Variants in TDRD7 observed in about 807,000 individuals in gnomAD.
TDRD7 encodes the protein tudor domain containing 7.
In TDRD7, 47 loss-of-function variants were observed where a neutral mutation model predicts 109.8. That is an observed-to-expected ratio of 0.43 (90% confidence interval 0.34 to 0.55). The LOEUF (loss-of-function observed/expected upper bound fraction) is 0.55, where lower values mean the gene tolerates loss of function less well. Ranked by LOEUF, TDRD7 falls within the 20% of genes least tolerant of loss-of-function variation. The pLI is 0.03. For synonymous variants in TDRD7, 424 were observed against 457.3 expected (o/e 0.93, Z 0.93); for missense variants, 1,164 against 1,319.2 (o/e 0.88, Z 1.82).
Position 97,437,724 on chromosome 9 carries a change from T to C in TDRD7, c.564-1521T>C, listed in dbSNP as rs536279911. On this transcript the variant is annotated intron_variant, in intron 4 of 16. Transcript: ENST00000355295. ...ACTGTCTGACATAATGTCTGGCACA[T>C]AGTATGTCTTAAATATTTATGAGCT... is the stretch of plus-strand genomic sequence containing the variant. 7.2e-5 allele frequency among the ~76,000 whole-genome samples: 11 copies of C among 152,332 alleles called. No homozygotes were observed. In the South Asian group the frequency reaches 2.3e-3, roughly 32 times the overall value.
intron 16 of TDRD7, among the ~76,000 whole-genome samples, chr9:97,490,259 A>G (rs1278654396): frequency 6.6e-6 from 1 of 152,126 alleles, no homozygotes; most frequent in African/African-American, 2.4e-5. Flanking sequence ...GCTGGCAACA[A>G]ATTCTCCCAA....
chr9:97,413,436 G>T (rs146906867), intron 1 of TDRD7, among the ~76,000 whole-genome samples: 505 of 152,300 alleles, frequency 3.3e-3, no homozygotes, highest in African/African-American at 0.011. Context: ...GCTTTTCCAA[G>T]ATAACCACTG....
At chr9:97,421,211 G>A (rs1391442494) in intron 1 of TDRD7, among the ~76,000 whole-genome samples, 2 of 151,940 alleles carry the variant, frequency 1.3e-5, no homozygotes, top group Non-Finnish European at 2.9e-5. Context: ...ATGTATGAGA[G>A]TTCTAAATGC....
At chr9:97,463,940 A>G (rs1290137687) in intron 7 of TDRD7, among the ~76,000 whole-genome samples, 2 of 152,308 alleles carry the variant, frequency 1.3e-5, no homozygotes, top group East Asian at 3.9e-4. Context: ...ATTTGTTCAA[A>G]TTCTTTAATA....
chr9:97,472,801 GTTGA>G (rs1370493341), intron 10 of TDRD7, among the ~76,000 whole-genome samples: 4 of 151,994 alleles, frequency 2.6e-5, no homozygotes, highest in African/African-American at 9.7e-5. Flanking sequence ...CCATGAAGAT[GTTGA>G]TTATTAGCTT....
At chr9:97,425,138 T>C (rs1827966061) in intron 1 of TDRD7, among the ~76,000 whole-genome samples, 1 of 152,136 alleles carries the variant, frequency 6.6e-6, no homozygotes, top group Non-Finnish European at 1.5e-5. Flanking sequence ...TTTTGGATGA[T>C]GGGAATGTCT....
At position 97,425,389 on chromosome 9, in the gene TDRD7, A is replaced by G. The variant is rs546694643; in HGVS notation, c.-6-3071A>G. On this transcript the variant is annotated intron_variant, in intron 1 of 16. Coordinates refer to ENST00000355295, the MANE Select transcript of TDRD7 (RefSeq NM_014290.3). ...TATGCTCAGATATGTTTAGACATAC[A>G]GTACTTACCATTGTGTTAAAATTGC... Among the ~76,000 whole-genome samples, 31 of 152,306 alleles carry G rather than the reference A, an allele frequency of 2.0e-4. No homozygotes were observed. The East Asian group carries it at 5.4e-3, about 27-fold the overall frequency.
intron 12 of TDRD7, 85 bp from the exon 13 acceptor site, chr9:97,478,354 C>G (rs1038701931): frequency 4.6e-6 from 7 of 1,519,458 alleles, no homozygotes; most frequent in Non-Finnish European, 6.4e-6. Flanking sequence ...AATATGCATT[C>G]AGGATTGTAC....
intron 6 of TDRD7, among the ~76,000 whole-genome samples, chr9:97,455,007 C>G (rs1828579393): frequency 6.6e-6 from 1 of 152,062 alleles, no homozygotes; most frequent in Non-Finnish European, 1.5e-5. Flanking sequence ...ACCACTGACC[C>G]CACAGAAATA....
intron 3 of TDRD7, among the ~76,000 whole-genome samples, chr9:97,431,713 A>C (rs1828106808): frequency 6.6e-6 from 1 of 152,122 alleles, no homozygotes. Context: ...ATTTATGGGG[A>C]AGAGACGGGA....
rs201263449 is a variant in TDRD7, at chr9:97,464,804, G to A, written c.1443-38G>A. The A allele has an allele frequency of 3.5e-5, 57 of 1,610,896 alleles. No homozygotes were observed. The East Asian group carries it at 9.4e-4, about 26-fold the overall frequency. Reference sequence around the variant, plus strand: ...ATTCCTATTGCTTTTCTTCTTCTAGGTTACTTCATTTGCATTCTCTTCTTT... The same window carrying A: ...ATTCCTATTGCTTTTCTTCTTCTAGATTACTTCATTTGCATTCTCTTCTTT... On this transcript the variant is annotated intron_variant, in intron 7 of 16. Coordinates refer to ENST00000355295, the MANE Select transcript of TDRD7 (RefSeq NM_014290.3).
At chr9:97,414,823 G>C (rs529901761) in intron 1 of TDRD7, among the ~76,000 whole-genome samples, 1 of 152,258 alleles carries the variant, frequency 6.6e-6, no homozygotes, top group East Asian at 1.9e-4. Flanking sequence ...TGATTAGAAA[G>C]AAAAGAGCAT....
Position 97,478,280 on chromosome 9 carries a change from T to A in TDRD7, c.2167-159T>A, listed in dbSNP as rs528446810. On this transcript the variant is annotated intron_variant, in intron 12 of 16. Transcript: ENST00000355295. Reference sequence around the variant, plus strand: ...TGTCTCAAAATAATAATAATAATAATATTTAGTAAATAAATACATTTTAAA... The same window carrying A: ...TGTCTCAAAATAATAATAATAATAAAATTTAGTAAATAAATACATTTTAAA... Among the ~76,000 whole-genome samples, 10 of 152,032 alleles carry A rather than the reference T, an allele frequency of 6.6e-5. No individual in the cohort carries two copies. The East Asian group carries it at 1.9e-3, about 29-fold the overall frequency.
At chr9:97,440,852 A>G (rs1406440444) in intron 5 of TDRD7, among the ~76,000 whole-genome samples, 1 of 152,234 alleles carries the variant, frequency 6.6e-6, no homozygotes, top group East Asian at 1.9e-4. Context: ...AATAAATTTC[A>G]TAGTTCTTAA....
At chr9:97,435,054 A>G (rs1397116919) in intron 4 of TDRD7, among the ~76,000 whole-genome samples, 1 of 152,160 alleles carries the variant, frequency 6.6e-6, no homozygotes, top group Non-Finnish European at 1.5e-5. Flanking sequence ...AAGAGAGAGC[A>G]AGAGGAACCC....
chr9:97,434,454 T>C (rs564890258), intron 4 of TDRD7, among the ~76,000 whole-genome samples: 1 of 152,278 alleles, frequency 6.6e-6, no homozygotes, highest in Middle Eastern at 3.4e-3. Flanking sequence ...TAATGATATA[T>C]TGTGTACTTG....
At chr9:97,435,440 G>C (rs1277398530) in intron 4 of TDRD7, among the ~76,000 whole-genome samples, 1 of 150,950 alleles carries the variant, frequency 6.6e-6, no homozygotes, top group Non-Finnish European at 1.5e-5. Context: ...GAACAGCCTG[G>C]GCAACATGGT....
chr9:97,456,840 C>T (rs1038920532), intron 6 of TDRD7, among the ~76,000 whole-genome samples: 1 of 152,152 alleles, frequency 6.6e-6, no homozygotes, highest in Non-Finnish European at 1.5e-5. Flanking sequence ...AACTAAAGTG[C>T]TTCTGCACAG....
At chr9:97,475,357 G>A (rs1828999918) in intron 11 of TDRD7, 26 bp from the exon 12 acceptor site, 1 of 1,555,784 alleles carries the variant, frequency 6.4e-7, no homozygotes, top group South Asian at 1.1e-5. Context: ...AGAGTAATAA[G>A]AGTATCATGC....
Sources: gnomAD v4.1 joint callset for allele counts (sites outside exome capture counted in the v4.1 genomes callset) on GRCh38, gnomAD v4.1.1 for gene constraint, MANE v1.5 for transcripts, NCBI Gene and HGNC (gene_info 2026-07-23, HGNC 2026-07-21) for gene names.